The following NPAS2 variants were observed in gnomAD, a reference collection of about 807,000 sequenced individuals.
The protein encoded by NPAS2 is neuronal PAS domain protein 2.
NPAS2 carries 23 observed loss-of-function variants against 107.5 expected under a neutral mutation model. The ratio of observed to expected loss-of-function variants is 0.21; its 90% CI spans 0.15 to 0.30. The LOEUF (loss-of-function observed/expected upper bound fraction) is 0.30, where lower values mean the gene tolerates loss of function less well. NPAS2 is among the 10% of genes least tolerant of loss of function. NPAS2 has a pLI of 1.00. For synonymous variants in NPAS2, 403 were observed against 417.5 expected (o/e 0.97, Z 0.42); for missense variants, 756 against 1,043.3 (o/e 0.72, Z 3.79).
At chr2:100,913,939 T>C (rs919402610) in intron 2 of NPAS2, among the ~76,000 whole-genome samples, 2 of 152,164 alleles carry the variant, frequency 1.3e-5, no homozygotes, top group Non-Finnish European at 2.9e-5. Flanking sequence ...GCCACAGGCC[T>C]CTCAGAAGGA....
At chr2:100,987,443 G>A (rs535386098) in intron 16 of NPAS2, 1 of 152,424 alleles carries the variant, frequency 6.6e-6, no homozygotes, top group Admixed American at 6.5e-5. Context: ...TAAAGTGCAT[G>A]GACTTAATGT....
At chr2:100,854,616 T>C (rs1678440661) in intron 1 of NPAS2, among the ~76,000 whole-genome samples, 1 of 152,182 alleles carries the variant, frequency 6.6e-6, no homozygotes, top group African/African-American at 2.4e-5. Flanking sequence ...GCCCTTCTCT[T>C]GGACTCCAGC....
intron 2 of NPAS2, among the ~76,000 whole-genome samples, chr2:100,908,772 A>G (rs1358738886): frequency 1.3e-5 from 2 of 152,190 alleles, no homozygotes; most frequent in African/African-American, 4.8e-5. Context: ...GGTTGTTTCC[A>G]TAGTCCCATA....
intron 2 of NPAS2, among the ~76,000 whole-genome samples, chr2:100,908,859 G>A (rs1682341613): frequency 1.3e-5 from 2 of 152,178 alleles, no homozygotes; most frequent in African/African-American, 4.8e-5. Flanking sequence ...AAAAGTGTCA[G>A]GTCAGATTCG....
chr2:100,819,525 C>A (rs1293516521), upstream of NPAS2, among the ~76,000 whole-genome samples: 1 of 151,960 alleles, frequency 6.6e-6, no homozygotes, highest in Non-Finnish European at 1.5e-5. The surrounding 1 kb of genome is among the most constrained non-coding windows in gnomAD (Gnocchi z 5.8). Context: ...TCGCAGTGGT[C>A]CCCGCAGAGA....
chr2:100,903,343 T>C (rs1681914527), intron 1 of NPAS2, among the ~76,000 whole-genome samples: 2 of 152,252 alleles, frequency 1.3e-5, no homozygotes, highest in African/African-American at 4.8e-5. Flanking sequence ...GCTGACTCAA[T>C]TGTAATACAG....
chr2:100,931,158 C>T (rs956934229), intron 3 of NPAS2, among the ~76,000 whole-genome samples: 1 of 152,148 alleles, frequency 6.6e-6, no homozygotes, highest in Admixed American at 6.5e-5. Context: ...CATATGAGGC[C>T]CGACACTGGA....
Position 100,891,921 on chromosome 2 carries a change from C to T in NPAS2, c.-22-12812C>T, listed in dbSNP as rs1221047833. ...GGAGCAGTATTTTGTGGATTCATTT[C>T]GGCTTGTCTGTGGCAGCCGAACAGC... is the stretch of plus-strand genomic sequence containing the variant. On this transcript the variant is annotated intron_variant, in intron 1 of 20. Coordinates refer to ENST00000335681, the MANE Select transcript of NPAS2 (RefSeq NM_002518.4). Among the ~76,000 whole-genome samples the T allele has an allele frequency of 3.9e-5, 6 of 152,318 alleles. No individual in the cohort carries two copies. The East Asian group carries it at 9.6e-4, about 24-fold the overall frequency.
chr2:100,988,467 T>A, intron 17 of NPAS2, 191 bp downstream of exon 17: 2 of 585,576 alleles, frequency 3.4e-6, no homozygotes, highest in Admixed American at 3.0e-5. Flanking sequence ...AACCCCAAGT[T>A]GTATTGGCTT....
rs114887042 is a variant in NPAS2, at chr2:100,977,975, G to A, written c.1482+176G>A. ...AGGTTCCCCCCACACCCACCCTCTC[G>A]TCTCCAAGTTCTTTTTTCCAGTGTC... On this transcript the variant is annotated intron_variant, in intron 15 of 20. Coordinates refer to ENST00000335681, the MANE Select transcript of NPAS2 (RefSeq NM_002518.4). 6.9e-3 allele frequency among the ~76,000 whole-genome samples: 1,054 copies of A among 152,222 alleles called. 16 individuals are homozygous for A. Among genetic ancestry groups the A allele is most frequent in the African/African-American group, 0.024 (1,006 of 41,530 alleles).
intron 15 of NPAS2, 76 bp from the exon 16 acceptor site, chr2:100,982,155 C>G: frequency 2.6e-6 from 4 of 1,544,740 alleles, no homozygotes; most frequent in Non-Finnish European, 3.6e-6. Flanking sequence ...GTGTACAGAC[C>G]GAGCAGCAGC....
chr2:100,863,000 G>A (rs1004143689), intron 1 of NPAS2, among the ~76,000 whole-genome samples: 4 of 152,180 alleles, frequency 2.6e-5, no homozygotes, highest in African/African-American at 7.2e-5. Context: ...CTATAAGGTC[G>A]TGAGGAAGGA....
chr2:100,876,574 T>C (rs1679982729), intron 1 of NPAS2, among the ~76,000 whole-genome samples: 1 of 152,214 alleles, frequency 6.6e-6, no homozygotes, highest in African/African-American at 2.4e-5. Flanking sequence ...TTGGAGACTA[T>C]AGCCTTAAAT....
At chr2:100,948,867 G>A (rs1464090085) in intron 6 of NPAS2, among the ~76,000 whole-genome samples, 2 of 152,186 alleles carry the variant, frequency 1.3e-5, no homozygotes, top group Non-Finnish European at 2.9e-5. Flanking sequence ...CTAGGTAGAA[G>A]GCTAACCTTG....
chr2:100,868,544 G>C (rs1200634585), intron 1 of NPAS2, among the ~76,000 whole-genome samples: 1 of 152,066 alleles, frequency 6.6e-6, no homozygotes, highest in Non-Finnish European at 1.5e-5. Flanking sequence ...CATAAATTTT[G>C]GAAAATTTTC....
chr2:100,907,477 C>T (rs1682233313), intron 2 of NPAS2, among the ~76,000 whole-genome samples: 2 of 134,616 alleles, frequency 1.5e-5, no homozygotes, highest in South Asian at 4.7e-4. Context: ...AGTACCCCTC[C>T]TAACACTTGG....
chr2:100,877,290 C>T (rs1015085169), intron 1 of NPAS2, among the ~76,000 whole-genome samples: 2 of 152,016 alleles, frequency 1.3e-5, no homozygotes, highest in African/African-American at 4.8e-5. Flanking sequence ...CAGTGAAACC[C>T]CGCCTCTACT....
intron 1 of NPAS2, among the ~76,000 whole-genome samples, chr2:100,835,192 C>A (rs1171171869): frequency 1.3e-5 from 2 of 151,754 alleles, no homozygotes; most frequent in African/African-American, 4.8e-5. Context: ...TCCATACAGG[C>A]CACCGGGGCG....
rs182137053 is a variant in NPAS2 at position 100,891,149 on chromosome 2, G to A, written c.-22-13584G>A. Among the ~76,000 whole-genome samples the A allele has an allele frequency of 5.5e-4, 84 of 151,790 alleles. 1 individual carries two copies. Among genetic ancestry groups the A allele is most frequent in the East Asian group, 2.7e-3 (14 of 5,150 alleles). ...CGGGAGGCTGAGGCAGGAGAATGGC[G>A]TGAACCCGGGGGGTGGAGCTTGCAG... On this transcript the variant is annotated intron_variant, in intron 1 of 20. Coordinates refer to ENST00000335681, the MANE Select transcript of NPAS2 (RefSeq NM_002518.4).
Sources: gnomAD v4.1 joint callset for allele counts (sites outside exome capture counted in the v4.1 genomes callset) on GRCh38, gnomAD v4.1.1 for gene constraint, Gnocchi (gnomAD v3.1) non-coding constraint, MANE v1.5 for transcripts, NCBI Gene and HGNC (gene_info 2026-07-23, HGNC 2026-07-21) for gene names.